The following C4orf51 variants were observed in gnomAD, a reference collection of about 807,000 sequenced individuals.
The protein encoded by C4orf51 is uncharacterized protein C4orf51.
Under a neutral mutation model 25.2 loss-of-function variants are expected in C4orf51, and 25 were observed. The ratio of observed to expected loss-of-function variants is 0.99; its 90% confidence interval spans 0.72 to 1.39. The LOEUF (loss-of-function observed/expected upper bound fraction) is 1.39, where lower values mean the gene tolerates loss of function less well. Among genes scored for constraint, C4orf51 ranks in the 40% most tolerant of loss-of-function variants. The probability of loss-of-function intolerance (pLI) is 0.00; values close to 1 mark genes in which losing one functional copy is unlikely to be tolerated. For missense variants in C4orf51, 252 were observed against 239.6 expected, an observed-to-expected ratio of 1.05 and a Z score of -0.34; for synonymous variants, 100 against 84.5, an observed-to-expected ratio of 1.18 and a Z score of -1.01.
intron 2 of C4orf51, among the ~76,000 whole-genome samples, chr4:145,705,957 G>T (rs1012449662): frequency 1.3e-5 from 2 of 152,256 alleles, no homozygotes; most frequent in South Asian, 4.1e-4. Context: ...ATTCCAATAT[G>T]TGCCCAGAAT....
downstream of C4orf51, among the ~76,000 whole-genome samples, chr4:145,737,310 G>T (rs1044963190): frequency 6.6e-6 from 1 of 152,082 alleles, no homozygotes; most frequent in Admixed American, 6.5e-5. Flanking sequence ...TGTGATTCTA[G>T]CTGCTGACAA....
chr4:145,712,424 A>G (rs1731182275), intron 2 of C4orf51, among the ~76,000 whole-genome samples: 2 of 152,254 alleles, frequency 1.3e-5, no homozygotes, highest in Admixed American at 1.3e-4. Context: ...ATGATAAGAA[A>G]GCAAAACAGC....
chr4:145,725,204 A>T (rs114640304), intron 2 of C4orf51, among the ~76,000 whole-genome samples: 1,787 of 152,080 alleles, frequency 0.012, 28 homozygotes, highest in African/African-American at 0.039. Context: ...AGAAATTTTT[A>T]AAAAAATAAA....
At chr4:145,768,613 T>C (rs1179785261) in intron 1 of C4orf51, among the ~76,000 whole-genome samples, 1 of 151,684 alleles carries the variant, frequency 6.6e-6, no homozygotes, top group East Asian at 1.9e-4. Flanking sequence ...GGAGAAAATA[T>C]AGGGAGACTG....
At chr4:145,745,168 A>G (rs1007632464) in intron 1 of C4orf51, among the ~76,000 whole-genome samples, 5 of 152,218 alleles carry the variant, frequency 3.3e-5, no homozygotes, top group Non-Finnish European at 7.3e-5. Context: ...CAATCACGTC[A>G]GGGTAAATGG....
chr4:145,707,069 G>A (rs1383779441), intron 2 of C4orf51, among the ~76,000 whole-genome samples: 2 of 151,962 alleles, frequency 1.3e-5, no homozygotes, highest in Admixed American at 6.6e-5. Context: ...GGCCCACCTC[G>A]GCCTCCCAAA....
At chr4:145,694,228 T>A (rs1729869614) in intron 1 of C4orf51, among the ~76,000 whole-genome samples, 1 of 138,242 alleles carries the variant, frequency 7.2e-6, no homozygotes, top group African/African-American at 2.8e-5. Flanking sequence ...GAAGAGGCGC[T>A]CCTCACTTCC....
intron 2 of C4orf51, among the ~76,000 whole-genome samples, chr4:145,724,398 T>A (rs1731924917): frequency 6.6e-6 from 1 of 152,064 alleles, no homozygotes; most frequent in African/African-American, 2.4e-5. Flanking sequence ...TAAGATACCT[T>A]CTTTAAAAAA....
intron 2 of C4orf51, among the ~76,000 whole-genome samples, chr4:145,719,478 G>A (rs1369612150): frequency 1.3e-5 from 2 of 151,104 alleles, no homozygotes; most frequent in African/African-American, 4.9e-5. Context: ...GGTTGCGGGC[G>A]CCTATAGTCC....
downstream of C4orf51, among the ~76,000 whole-genome samples, chr4:145,775,028 T>C (rs1474828087): frequency 6.6e-6 from 1 of 152,194 alleles, no homozygotes; most frequent in African/African-American, 2.4e-5. Flanking sequence ...TATTTAGTGG[T>C]GCCGGTCCAC....
intron 1 of C4orf51, among the ~76,000 whole-genome samples, chr4:145,743,834 G>T (rs1733224263): frequency 6.6e-6 from 1 of 152,126 alleles, no homozygotes; most frequent in Admixed American, 6.5e-5. Flanking sequence ...TGCTCAAGCT[G>T]TTCTCTCAAT....
At chr4:145,733,031 C>CGCGGGG (rs1332748718), downstream of C4orf51, among the ~76,000 whole-genome samples, 116 of 152,296 alleles carry the variant, frequency 7.6e-4, no homozygotes, top group African/African-American at 1.4e-3. Context: ...CTCCGACAGT[C>CGCGGGG]GCGGGGGCGG....
intron 1 of C4orf51, among the ~76,000 whole-genome samples, chr4:145,766,982 G>A (rs1279219663): frequency 6.6e-6 from 1 of 152,168 alleles, no homozygotes; most frequent in Admixed American, 6.5e-5. Flanking sequence ...TCAAGAGTAT[G>A]TATAGGAATA....
chr4:145,740,620 A>G (rs887219178), intron 1 of C4orf51, among the ~76,000 whole-genome samples: 4 of 152,190 alleles, frequency 2.6e-5, no homozygotes, highest in African/African-American at 9.7e-5. Flanking sequence ...CCTCTAGAGA[A>G]CATGTGACAA....
the C4orf51 span, among the ~76,000 whole-genome samples, chr4:145,784,637 A>G: frequency 6.6e-6 from 1 of 152,230 alleles, no homozygotes; most frequent in African/African-American, 2.4e-5. Context: ...ATGAAGCATA[A>G]TATTTGTAAA....
At position 145,763,729 on chromosome 4, in the gene C4orf51, C is replaced by T. The variant is rs1225303142; in HGVS notation, n.167-7259C>T. On this transcript the variant is annotated intron_variant and non_coding_transcript_variant, in intron 1 of 1. Coordinates refer to the C4orf51 transcript ENST00000510096. The surrounding 1 kb of genome is among the most constrained non-coding windows in gnomAD (Gnocchi z 4.6). ...TTTCTCTTTTTAAAATGAGAGCACA[C>T]AAATATTTATAAAGGGACAGTGGGA... 6.6e-6 allele frequency among the ~76,000 whole-genome samples: 1 copy of T among 152,158 alleles called. No homozygotes were observed. Among genetic ancestry groups the T allele is most frequent in the Non-Finnish European group, 1.5e-5 (1 of 68,034 alleles).
chr4:145,737,402 T>C (rs1732863814), downstream of C4orf51, among the ~76,000 whole-genome samples: 1 of 152,246 alleles, frequency 6.6e-6, no homozygotes. Flanking sequence ...TATTATCTTC[T>C]TTTCTCCCCA....
At chr4:145,748,019 A>G (rs1646792445) in intron 1 of C4orf51, among the ~76,000 whole-genome samples, 1 of 151,900 alleles carries the variant, frequency 6.6e-6, no homozygotes, top group Non-Finnish European at 1.5e-5. Context: ...TTGCTGTGGG[A>G]CTTTTTATTA....
At chr4:145,784,188 C>T in the C4orf51 span, among the ~76,000 whole-genome samples, 1 of 152,128 alleles carries the variant, frequency 6.6e-6, no homozygotes, top group Non-Finnish European at 1.5e-5. Flanking sequence ...CAATTAAAAC[C>T]CTTTCATTGT....
Sources: allele counts gnomAD v4.1 joint callset (sites outside exome capture counted in the v4.1 genomes callset), GRCh38; gene constraint gnomAD v4.1.1; non-coding constraint Gnocchi (gnomAD v3.1); transcripts MANE v1.5; gene names NCBI Gene and HGNC (gene_info 2026-07-23, HGNC 2026-07-21).